TPD52L1: variants seen among roughly 807,000 people sequenced by gnomAD.
TPD52L1 encodes the protein tumor protein D53.
Under a neutral mutation model 28.7 loss-of-function variants are expected in TPD52L1, and 18 were observed. The ratio of observed to expected loss-of-function variants is 0.63; its 90% CI spans 0.43 to 0.93. The LOEUF (loss-of-function observed/expected upper bound fraction) is 0.93, where lower values mean the gene tolerates loss of function less well. Among genes scored for constraint, TPD52L1 ranks in the 40% least tolerant of loss-of-function variants. The probability of loss-of-function intolerance (pLI) is 0.00; values close to 1 mark genes in which losing one functional copy is unlikely to be tolerated. For missense variants in TPD52L1, 203 were observed against 254.8 expected (o/e 0.80, Z 1.39); for synonymous variants, 75 against 88.8 (o/e 0.84, Z 0.88).
intron 1 of TPD52L1, among the ~76,000 whole-genome samples, chr6:125,177,498 T>A (rs950280761): frequency 3.3e-5 from 5 of 152,170 alleles, no homozygotes; most frequent in African/African-American, 9.7e-5. Flanking sequence ...CTGTAAGCAC[T>A]TGAGGGATGA....
intron 1 of TPD52L1, among the ~76,000 whole-genome samples, chr6:125,216,529 GTATATATATATATATATATATATATA>G (rs56135453): frequency 1.4e-4 from 10 of 69,076 alleles, no homozygotes; most frequent in Middle Eastern, 0.011. Flanking sequence ...GTATGTGTGT[GTATATATATATATATATATATATATA>G]TATATATATA....
chr6:125,259,453 G>A (rs1262997473), intron 6 of TPD52L1, among the ~76,000 whole-genome samples: 1 of 152,154 alleles, frequency 6.6e-6, no homozygotes, highest in East Asian at 1.9e-4. Flanking sequence ...TTCTGCCTAC[G>A]CCCTTACAAT....
chr6:125,163,975 GA>G (rs1338410749), intron 1 of TPD52L1, among the ~76,000 whole-genome samples: 1 of 151,286 alleles, frequency 6.6e-6, no homozygotes, highest in Non-Finnish European at 1.5e-5. Flanking sequence ...AACTCACAAG[GA>G]AGGTAACATT....
intron 3 of TPD52L1, among the ~76,000 whole-genome samples, chr6:125,246,988 C>T (rs11753678): frequency 0.042 from 6,343 of 151,880 alleles, 168 homozygotes; most frequent in African/African-American, 0.084. Flanking sequence ...AGACAGATTC[C>T]ATTCTGCTCA....
chr6:125,257,089 T>A lies in TPD52L1; in HGVS notation c.426-9T>A. 6.2e-7 allele frequency: 1 copy of A among 1,610,052 alleles called. No individual in the cohort carries two copies. Among genetic ancestry groups the A allele is most frequent in the South Asian group, 1.1e-5 (1 of 90,528 alleles). On this transcript the variant is annotated splice_polypyrimidine_tract_variant and intron_variant, in intron 5 of 6. Transcript: ENST00000534000. ...TTTGGAGCTGACCTCTCTCTTTTTG[T>A]TATTTTAGGAATTCTCCTACTTTCA...
At position 125,206,091 on chromosome 6, in the gene TPD52L1, T is replaced by A. The variant is rs544368926; in HGVS notation, c.20-13987T>A. Among the ~76,000 whole-genome samples, 7 of 152,342 alleles carry A rather than the reference T, an allele frequency of 4.6e-5. No individual in the cohort carries two copies. In the East Asian group the frequency reaches 9.6e-4, roughly 21 times the overall value. On this transcript the variant is annotated intron_variant, in intron 1 of 6. Transcript: ENST00000534000. Reference sequence around the variant, plus strand: ...TTTCTATAGTCAACTGATTAGTACATTCTCAGGCTGAGCATTGCAGACATA... The same window carrying A: ...TTTCTATAGTCAACTGATTAGTACAATCTCAGGCTGAGCATTGCAGACATA...
At chr6:125,188,432 A>T (rs1479628062) in intron 1 of TPD52L1, among the ~76,000 whole-genome samples, 1 of 152,192 alleles carries the variant, frequency 6.6e-6, no homozygotes, top group East Asian at 1.9e-4. Flanking sequence ...GTGAACATTT[A>T]GATACAATGT....
chr6:125,236,978 C>T (rs1034948264), intron 3 of TPD52L1, among the ~76,000 whole-genome samples: 10 of 152,154 alleles, frequency 6.6e-5, no homozygotes, highest in African/African-American at 2.4e-5. Flanking sequence ...TACAGCACAA[C>T]CCTTTTCGTG....
intron 4 of TPD52L1, among the ~76,000 whole-genome samples, chr6:125,250,051 C>G (rs929960054): frequency 6.6e-6 from 1 of 152,116 alleles, no homozygotes; most frequent in Non-Finnish European, 1.5e-5. Flanking sequence ...TAACATTTAT[C>G]TAAACTAATT....
chr6:125,243,203 G>C (rs950574742), intron 3 of TPD52L1, among the ~76,000 whole-genome samples: 3 of 152,094 alleles, frequency 2.0e-5, no homozygotes, highest in Non-Finnish European at 4.4e-5. Flanking sequence ...TCCTTAATAG[G>C]TTACCTGATG....
chr6:125,201,875 G>A (rs897943057), intron 1 of TPD52L1, among the ~76,000 whole-genome samples: 5 of 152,162 alleles, frequency 3.3e-5, no homozygotes, highest in Non-Finnish European at 7.3e-5. Flanking sequence ...TTGCTACTCA[G>A]ATTTCAGAAG....
At chr6:125,242,123 G>A (rs926074316) in intron 3 of TPD52L1, among the ~76,000 whole-genome samples, 1 of 151,830 alleles carries the variant, frequency 6.6e-6, no homozygotes, top group Non-Finnish European at 1.5e-5. Flanking sequence ...CTATATATTT[G>A]TATAGTTTTG....
intron 6 of TPD52L1, chr6:125,261,517 C>T (rs942181366): frequency 2.9e-4 from 44 of 151,788 alleles, no homozygotes; most frequent in Non-Finnish European, 4.0e-4. Context: ...GAGGGAAGGC[C>T]AGTGTGACTA....
rs895139340 is a variant in TPD52L1, at chr6:125,190,346, G to A, written c.20-29732G>A. Among the ~76,000 whole-genome samples, 4 of 151,984 alleles carry A rather than the reference G, an allele frequency of 2.6e-5. No homozygotes were observed. The East Asian group carries it at 5.8e-4, about 22-fold the overall frequency. ...TTTTTCTGAAAACAGTACTGAAGTT[G>A]GTAGCTTGTGGGAGTCACTGCAACA... On this transcript the variant is annotated intron_variant, in intron 1 of 6. Transcript: ENST00000534000.
chr6:125,176,471 T>C (rs1791831006), intron 1 of TPD52L1, among the ~76,000 whole-genome samples: 1 of 152,170 alleles, frequency 6.6e-6, no homozygotes, highest in Non-Finnish European at 1.5e-5. Flanking sequence ...TTTAGCTTTG[T>C]TGAGAATTTG....
intron 1 of TPD52L1, among the ~76,000 whole-genome samples, chr6:125,159,331 C>T (rs1790356422): frequency 6.6e-6 from 1 of 152,216 alleles, no homozygotes; most frequent in Non-Finnish European, 1.5e-5. Context: ...TAGATTCCAT[C>T]TCAAGAAACC....
At chr6:125,157,496 T>A (rs1460631804) in intron 1 of TPD52L1, among the ~76,000 whole-genome samples, 7 of 152,126 alleles carry the variant, frequency 4.6e-5, no homozygotes, top group Non-Finnish European at 8.8e-5. Flanking sequence ...GAGAACAACG[T>A]GGAGAGAGAT....
In TPD52L1 at chr6:125,169,958, C is replaced by A. The variant is rs190092292; in HGVS notation, c.19+15988C>A. On this transcript the variant is annotated intron_variant, in intron 1 of 6. Coordinates refer to ENST00000534000, the MANE Select transcript of TPD52L1 (RefSeq NM_003287.4). ...ATTCCCTTCGCTTCCTCTTAGGAAC[C>A]TTTGAGTTTATTAATCCCTCTTCTT... Among the ~76,000 whole-genome samples, 2 of 152,140 alleles carry A rather than the reference C, an allele frequency of 1.3e-5. 1 individual carries two copies. The highest frequency in any genetic ancestry group is 3.9e-4 in the East Asian group (2 of 5,162).
intron 1 of TPD52L1, among the ~76,000 whole-genome samples, chr6:125,180,616 AG>A (rs1276134395): frequency 5.9e-5 from 9 of 151,874 alleles, no homozygotes; most frequent in African/African-American, 2.2e-4. Context: ...ACAGAGAGGG[AG>A]AGCTATTTAG....
Sources: allele counts gnomAD v4.1 joint callset (sites outside exome capture counted in the v4.1 genomes callset), GRCh38; gene constraint gnomAD v4.1.1; transcripts MANE v1.5; gene names NCBI Gene and HGNC (gene_info 2026-07-23, HGNC 2026-07-21).